The following TNFAIP8 variants were observed in gnomAD, a reference collection of about 807,000 sequenced individuals.
The protein encoded by TNFAIP8 is TNF alpha induced protein 8.
Under a neutral mutation model 13.3 loss-of-function variants are expected in TNFAIP8, and 7 were observed. That is an observed-to-expected ratio of 0.52 (90% CI 0.30 to 0.99). TNFAIP8 has a LOEUF of 0.99. Among genes scored for constraint, TNFAIP8 ranks in the 50% least tolerant of loss-of-function variants. The pLI is 0.07. For synonymous variants in TNFAIP8, 94 were observed against 87.6 expected, an observed-to-expected ratio of 1.07 and a Z score of -0.41; for missense variants, 258 against 236.9, an observed-to-expected ratio of 1.09 and a Z score of -0.58.
intron 1 of TNFAIP8, among the ~76,000 whole-genome samples, chr5:119,305,823 A>G (rs1007483155): frequency 9.9e-5 from 15 of 152,172 alleles, no homozygotes; most frequent in African/African-American, 3.6e-4. Flanking sequence ...CCTGCATGTT[A>G]ATAAGGGTCC....
intron 1 of TNFAIP8, among the ~76,000 whole-genome samples, chr5:119,269,065 T>C (rs1748183224): frequency 6.6e-6 from 1 of 152,190 alleles, no homozygotes; most frequent in South Asian, 2.1e-4. Flanking sequence ...CTTGTTTAGG[T>C]GGGTGTGCGT....
rs552156448 is a variant in TNFAIP8, at chr5:119,320,910, C to G, written c.1+52003C>G. Among the ~76,000 whole-genome samples the G allele has an allele frequency of 2.7e-5, 4 of 150,078 alleles. No individual in the cohort carries two copies. The East Asian group carries it at 7.8e-4, about 29-fold the overall frequency. On this transcript the variant is annotated intron_variant, in intron 1 of 1. Transcript: ENST00000274456. ...TAAAAAAAAAACAAAAAACGAAAAA[C>G]AAAAAACTAAAAAAGACTAGACTTG... is the stretch of plus-strand genomic sequence containing the variant.
intron 1 of TNFAIP8, among the ~76,000 whole-genome samples, chr5:119,302,915 C>T (rs1749440429): frequency 6.6e-6 from 1 of 152,104 alleles, no homozygotes; most frequent in Non-Finnish European, 1.5e-5. Flanking sequence ...TGAGTGGAGA[C>T]ATTATTGCGA....
In TNFAIP8 at chr5:119,325,444, G is replaced by GTTTA. The variant is rs973704763; in HGVS notation, c.1+56553_1+56556dup. 2.4e-3 allele frequency among the ~76,000 whole-genome samples: 359 copies of GTTTA among 151,988 alleles called. 1 individual carries two copies. The highest frequency in any genetic ancestry group is 8.3e-3 in the African/African-American group (343 of 41,476). ...TCTATTTTATTTAATTACTTAATTT[G>GTTTA]TTTATTTATTTATTTATTTTTGAGA... On this transcript the variant is annotated intron_variant, in intron 1 of 1. Coordinates refer to the TNFAIP8 transcript ENST00000274456.
intron 1 of TNFAIP8, 121 bp downstream of exon 1, chr5:119,356,242 C>G (rs890741298): frequency 1.1e-5 from 10 of 900,636 alleles, no homozygotes; most frequent in Non-Finnish European, 1.3e-5. Context: ...GCTTGCCCTG[C>G]GCCTTCGAAG....
Position 119,392,995 on chromosome 5 carries a change from ATCATCAAGAACC to A in TNFAIP8, c.221_232del (p.Asn74_Lys77del). 1.9e-6 allele frequency: 3 copies of A among 1,613,048 alleles called. No homozygotes were observed. The highest frequency in any genetic ancestry group is 2.5e-6 in the Non-Finnish European group (3 of 1,179,484). On this transcript the variant is annotated inframe_deletion, in exon 2 of 2. Transcript: ENST00000504771. ...CCAAAACAAGAAGGAGGCAGAGAAG[ATCATCAAGAACC>A]TCATCAAGACAGTCATCAAGCTGGC...
At chr5:119,315,489 CAATGTGTGT>C (rs1220435496) in intron 1 of TNFAIP8, among the ~76,000 whole-genome samples, 4 of 152,168 alleles carry the variant, frequency 2.6e-5, no homozygotes, top group African/African-American at 9.7e-5. Context: ...AAACAACAGA[CAATGTGTGT>C]TGGCATAACC....
intron 1 of TNFAIP8, among the ~76,000 whole-genome samples, chr5:119,309,633 G>A (rs1022178973): frequency 6.6e-6 from 1 of 152,160 alleles, no homozygotes; most frequent in South Asian, 2.1e-4. Flanking sequence ...TCGAAGCATC[G>A]GTGTTCAGAC....
intron 1 of TNFAIP8, among the ~76,000 whole-genome samples, chr5:119,369,668 A>T (rs922162072): frequency 1.3e-5 from 2 of 152,126 alleles, no homozygotes; most frequent in Non-Finnish European, 2.9e-5. Flanking sequence ...ACTGTGTTTT[A>T]CTCAATAGGT....
intron 1 of TNFAIP8, among the ~76,000 whole-genome samples, chr5:119,345,024 AT>A (rs1750854052): frequency 2.0e-5 from 3 of 152,046 alleles, no homozygotes; most frequent in Non-Finnish European, 4.4e-5. Flanking sequence ...GGTCTCAGTA[AT>A]TTTTTTCATG....
In TNFAIP8 at chr5:119,398,736, A is replaced by G. The variant is rs1030273836; in HGVS notation, c.*5355A>G. 1 of 152,130 alleles carries G rather than the reference A, an allele frequency of 6.6e-6. No homozygotes were observed. Among genetic ancestry groups the G allele is most frequent in the Non-Finnish European group, 1.5e-5 (1 of 68,024 alleles). 9.4% of individuals were successfully genotyped at this position (152,130 alleles called of 1,614,324 possible). On this transcript the variant is annotated 3_prime_UTR_variant, in exon 2 of 2. Transcript: ENST00000504771. ...TAAATAAATAAATTTTTAAAAACCA[A>G]CCTGATGTGAAGTTGAAACACAAGA...
At chr5:119,391,484 G>T (rs1195896612) in intron 1 of TNFAIP8, 1 of 698,162 alleles carries the variant, frequency 1.4e-6, no homozygotes, top group Non-Finnish European at 2.6e-6. Flanking sequence ...AATGGGCCAG[G>T]TGCGGTGGCT....
chr5:119,396,265 C>A lies in TNFAIP8; in HGVS notation c.*2884C>A, dbSNP rs938658925. On this transcript the variant is annotated 3_prime_UTR_variant, in exon 2 of 2. Coordinates refer to ENST00000504771, the MANE Select transcript of TNFAIP8 (RefSeq NM_014350.4). ...TCATATAGTGACATTTTAGGCAGTA[C>A]CTAAGTCAGCACAGGTCTGGCCTGT... 2 of 152,192 alleles carry A rather than the reference C, an allele frequency of 1.3e-5. No individual in the cohort carries two copies. The highest frequency in any genetic ancestry group is 2.4e-5 in the African/African-American group (1 of 41,446). The allele number at this position is 152,192 out of a possible 1,614,324, so 9.4% of individuals were successfully genotyped here. A position where few individuals can be genotyped will look rare whatever the true frequency, so the allele number is the denominator to read the frequency against.
chr5:119,366,996 G>C lies in TNFAIP8; in HGVS notation c.31+10875G>C, dbSNP rs1751882570. Among the ~76,000 whole-genome samples, 3 of 152,214 alleles carry C rather than the reference G, an allele frequency of 2.0e-5. No homozygotes were observed. The South Asian group carries it at 6.2e-4, about 32-fold the overall frequency. On this transcript the variant is annotated intron_variant, in intron 1 of 1. Coordinates refer to ENST00000504771, the MANE Select transcript of TNFAIP8 (RefSeq NM_014350.4). ...TCTCAGCAGTGAAACAAGCTGGCTA[G>C]TTTCAACATGTGTAAGGGTTAATCG...
intron 1 of TNFAIP8, among the ~76,000 whole-genome samples, chr5:119,356,950 G>C (rs1452299032): frequency 2.6e-5 from 4 of 152,140 alleles, no homozygotes; most frequent in African/African-American, 9.7e-5. Flanking sequence ...GAGTAAGAGA[G>C]GAGACTATTC....
chr5:119,392,374 GT>G (rs1468573702), intron 1 of TNFAIP8, among the ~76,000 whole-genome samples: 2 of 144,342 alleles, frequency 1.4e-5, no homozygotes, highest in East Asian at 4.0e-4. Flanking sequence ...CAGATGACAG[GT>G]ATAGAGTTGA....
In TNFAIP8 at chr5:119,305,231, C is replaced by G. The variant is rs1293098450; in HGVS notation, c.1+36324C>G. On this transcript the variant is annotated intron_variant, in intron 1 of 1. Transcript: ENST00000274456. Reference sequence around the variant, plus strand: ...TCTTTGATAGTCATTTTCGGGCTTTCTTCCCTCAAAAATGAACTGATTTTT... The same window carrying G: ...TCTTTGATAGTCATTTTCGGGCTTTGTTCCCTCAAAAATGAACTGATTTTT... Among the ~76,000 whole-genome samples the G allele has an allele frequency of 3.9e-5, 6 of 152,124 alleles. No individual in the cohort carries two copies. The East Asian group carries it at 9.6e-4, about 24-fold the overall frequency.
At chr5:119,340,244 T>C (rs965330899) in intron 1 of TNFAIP8, among the ~76,000 whole-genome samples, 1 of 152,290 alleles carries the variant, frequency 6.6e-6, no homozygotes, top group Admixed American at 6.5e-5. Flanking sequence ...TGTGGAAATA[T>C]ACGCACAGGG....
At chr5:119,384,577 A>G (rs978809412) in intron 1 of TNFAIP8, among the ~76,000 whole-genome samples, 4 of 152,222 alleles carry the variant, frequency 2.6e-5, no homozygotes, top group Non-Finnish European at 5.9e-5. Context: ...GGCTGCTGTT[A>G]TTATTGTTAT....
Sources: allele counts gnomAD v4.1 joint callset (sites outside exome capture counted in the v4.1 genomes callset), GRCh38; gene constraint gnomAD v4.1.1; transcripts MANE v1.5; gene names NCBI Gene and HGNC (gene_info 2026-07-23, HGNC 2026-07-21).